FAM222A: variants seen among roughly 807,000 people sequenced by gnomAD.
FAM222A encodes the protein protein FAM222A.
FAM222A carries 7 observed loss-of-function variants against 25.8 expected under a neutral mutation model. The ratio of observed to expected loss-of-function variants is 0.27; its 90% CI spans 0.15 to 0.51. The LOEUF (loss-of-function observed/expected upper bound fraction) is 0.51, where lower values mean the gene tolerates loss of function less well. Among genes scored for constraint, FAM222A ranks in the 20% least tolerant of loss-of-function variants. The probability of loss-of-function intolerance (pLI) is 0.97; values close to 1 mark genes in which losing one functional copy is unlikely to be tolerated. For synonymous variants in FAM222A, 294 were observed against 298.8 expected, an observed-to-expected ratio of 0.98 and a Z score of 0.17; for missense variants, 573 against 640.5, an observed-to-expected ratio of 0.89 and a Z score of 1.14.
chr12:109,747,761 T>C (rs1888443963), intron 2 of FAM222A, among the ~76,000 whole-genome samples: 1 of 152,258 alleles, frequency 6.6e-6, no homozygotes, highest in Admixed American at 6.5e-5. Flanking sequence ...ATGAAGGCTG[T>C]TAACTTCTGC....
At chr12:109,740,809 G>A (rs547402374) in intron 1 of FAM222A, among the ~76,000 whole-genome samples, 6 of 152,336 alleles carry the variant, frequency 3.9e-5, no homozygotes, top group African/African-American at 1.4e-4. Flanking sequence ...CCAGCGGAGG[G>A]AGAGAGATGT....
intron 2 of FAM222A, among the ~76,000 whole-genome samples, chr12:109,754,792 T>C (rs1045230740): frequency 1.3e-5 from 2 of 151,982 alleles, no homozygotes; most frequent in Admixed American, 6.6e-5. Flanking sequence ...CTCAGCCTCC[T>C]GAATAGCTGG....
intron 1 of FAM222A, among the ~76,000 whole-genome samples, 173 bp downstream of exon 1, chr12:109,715,070 G>A (rs891163332): frequency 4.6e-5 from 7 of 152,258 alleles, no homozygotes; most frequent in African/African-American, 1.7e-4. Context: ...GCCAGCCGAT[G>A]GGAGTGGAGG....
chr12:109,741,587 G>A (rs1888241382), intron 1 of FAM222A, among the ~76,000 whole-genome samples: 1 of 152,190 alleles, frequency 6.6e-6, no homozygotes, highest in African/African-American at 2.4e-5. Flanking sequence ...AAAGCATGTG[G>A]GATGTATGGC....
In FAM222A at chr12:109,768,647, C is replaced by G. The variant is rs1212844609; in HGVS notation, c.718C>G (p.Pro240Ala). ...CAAGCACGGCCCAGTGCCCAGCTTCCCCAGCATGGCCTACTCGGCTGCAGC... is the reference window on the plus strand; with the variant it reads ...CAAGCACGGCCCAGTGCCCAGCTTCGCCAGCATGGCCTACTCGGCTGCAGC... ...PAKHGPVPSFPSMAYSAAAGL... is the reference protein window; with the variant it reads ...PAKHGPVPSFASMAYSAAAGL... The change falls in exon 3 of 3, where the codon CCC becomes GCC. Residue 240 changes from proline (P) to alanine (A), a missense_variant. Pro to Ala is a conservative substitution (Grantham distance 27). This residue lies in a region of FAM222A where 412 missense variants were observed against 407.0 expected (regional missense o/e 1.01). Coordinates refer to ENST00000538780, the MANE Select transcript of FAM222A (RefSeq NM_032829.3). The G allele has an allele frequency of 6.2e-7, 1 of 1,600,846 alleles. No individual in the cohort carries two copies. The highest frequency in any genetic ancestry group is 1.3e-5 in the African/African-American group (1 of 75,038).
At chr12:109,744,482 C>T (rs919819952) in intron 2 of FAM222A, 2 of 985,472 alleles carry the variant, frequency 2.0e-6, no homozygotes, top group South Asian at 4.7e-5. Context: ...TTCTGACCAC[C>T]ACCATCGCCA....
chr12:109,715,084 G>A (rs957420012), intron 1 of FAM222A, among the ~76,000 whole-genome samples, 187 bp downstream of exon 1: 1 of 152,216 alleles, frequency 6.6e-6, no homozygotes, highest in African/African-American at 2.4e-5. Context: ...GTGGAGGTTG[G>A]GGGGCCCATT....
chr12:109,720,045 G>A, intron 1 of FAM222A: 2 of 964,392 alleles, frequency 2.1e-6, no homozygotes, highest in Non-Finnish European at 2.5e-6. Context: ...ATGGGCTTGT[G>A]GGTGGGGTGA....
Position 109,744,136 on chromosome 12 carries a change from C to T in FAM222A, c.-11C>T. 6.2e-7 allele frequency: 1 copy of T among 1,612,208 alleles called. No homozygotes were observed. Among genetic ancestry groups the T allele is most frequent in the Non-Finnish European group, 8.5e-7 (1 of 1,179,720 alleles). On this transcript the variant is annotated 5_prime_UTR_variant, in exon 2 of 3. Transcript: ENST00000538780. Reference sequence around the variant, plus strand: ...GCAGAGCGCACCCCACTGGGGACCCCCAGCTCAGCCATGCTGGCCTGTCTG... The same window carrying T: ...GCAGAGCGCACCCCACTGGGGACCCTCAGCTCAGCCATGCTGGCCTGTCTG...
At chr12:109,749,239 T>C (rs1888491837) in intron 2 of FAM222A, among the ~76,000 whole-genome samples, 1 of 152,106 alleles carries the variant, frequency 6.6e-6, no homozygotes, top group Admixed American at 6.5e-5. Flanking sequence ...CCTGAGTAGC[T>C]GGGATTACAG....
intron 1 of FAM222A, among the ~76,000 whole-genome samples, chr12:109,732,848 G>A (rs1289633762): frequency 2.0e-5 from 3 of 152,242 alleles, no homozygotes; most frequent in South Asian, 2.1e-4. Context: ...CCCTACCTCC[G>A]TCCCTGACCA....
chr12:109,727,474 T>G (rs935116850), intron 1 of FAM222A, among the ~76,000 whole-genome samples: 9 of 152,252 alleles, frequency 5.9e-5, no homozygotes, highest in East Asian at 1.9e-4. Flanking sequence ...TGCTCTTGTT[T>G]CCTGGGGGTC....
chr12:109,763,284 G>A (rs1413405313), intron 2 of FAM222A, among the ~76,000 whole-genome samples: 1 of 152,210 alleles, frequency 6.6e-6, no homozygotes, highest in African/African-American at 2.4e-5. Flanking sequence ...TCCACTTCCT[G>A]CTCTGTACAG....
At chr12:109,744,332 A>G in intron 2 of FAM222A, 104 bp downstream of exon 2, 6 of 1,468,718 alleles carry the variant, frequency 4.1e-6, no homozygotes, top group South Asian at 1.4e-5. Context: ...GAAAGTCTCT[A>G]TGCTCTCTTA....
At chr12:109,718,585 G>A (rs879448977) in intron 1 of FAM222A, among the ~76,000 whole-genome samples, 2 of 152,210 alleles carry the variant, frequency 1.3e-5, no homozygotes, top group African/African-American at 2.4e-5. Flanking sequence ...TCCCAGCAGC[G>A]GCCGGAGCCG....
At chr12:109,747,654 A>G (rs1309549612) in intron 2 of FAM222A, among the ~76,000 whole-genome samples, 2 of 150,728 alleles carry the variant, frequency 1.3e-5, no homozygotes, top group African/African-American at 4.9e-5. Context: ...GGAATGTTTT[A>G]ACATTTGCCT....
At position 109,768,613 on chromosome 12, in the gene FAM222A, C is replaced by T. The variant is rs753269298; in HGVS notation, c.684C>T (p.Pro228=). ...PACQGMAIPH[P]SPAKHGPVPS... ...GCCAGGGCATGGCTATTCCCCATCC[C>T]AGCCCTGCCAAGCACGGCCCAGTGC... Residue 228 remains proline (P), a synonymous_variant, in exon 3 of 3, where the codon CCC becomes CCT. Coordinates refer to ENST00000538780, the MANE Select transcript of FAM222A (RefSeq NM_032829.3). The T allele has an allele frequency of 1.2e-6, 2 of 1,603,514 alleles. No homozygotes were observed. The highest frequency in any genetic ancestry group is 2.2e-5 in the East Asian group (1 of 44,858).
chr12:109,716,336 G>A (rs1015861627), intron 1 of FAM222A, among the ~76,000 whole-genome samples: 3 of 152,178 alleles, frequency 2.0e-5, no homozygotes, highest in Admixed American at 6.5e-5. Flanking sequence ...TTCGAAAACT[G>A]TCATTGCCTC....
chr12:109,746,288 A>G (rs909835391), intron 2 of FAM222A, among the ~76,000 whole-genome samples: 1 of 152,176 alleles, frequency 6.6e-6, no homozygotes, highest in Non-Finnish European at 1.5e-5. Flanking sequence ...CAGGAGTTTG[A>G]GACCAGCCTG....
Sources: allele counts gnomAD v4.1 joint callset (sites outside exome capture counted in the v4.1 genomes callset), GRCh38; gene constraint gnomAD v4.1.1; regional missense constraint gnomAD v4.1.1; transcripts MANE v1.5; gene names NCBI Gene and HGNC (gene_info 2026-07-23, HGNC 2026-07-21).